RNGTT: variants seen among roughly 807,000 people sequenced by gnomAD.
RNGTT encodes the protein mRNA-capping enzyme.
Under a neutral mutation model 79.3 loss-of-function variants are expected in RNGTT, and 33 were observed. The observed-to-expected ratio is 0.42, with a 90% CI of 0.32 to 0.56. RNGTT has a LOEUF of 0.56. Among genes scored for constraint, RNGTT ranks in the 20% least tolerant of loss-of-function variants. The pLI, the probability that RNGTT is intolerant of heterozygous loss-of-function variation, is 0.17. For missense variants in RNGTT, 497 were observed against 739.1 expected, an observed-to-expected ratio of 0.67 and a Z score of 3.80; for synonymous variants, 222 against 235.9, an observed-to-expected ratio of 0.94 and a Z score of 0.54.
intron 4 of RNGTT, among the ~76,000 whole-genome samples, chr6:88,928,381 T>C (rs749247821): frequency 1.3e-5 from 2 of 152,220 alleles, no homozygotes; most frequent in Non-Finnish European, 2.9e-5. Context: ...AATTTACTTA[T>C]TAAATTTGTT....
intron 13 of RNGTT, among the ~76,000 whole-genome samples, chr6:88,722,404 A>C (rs1399127303): frequency 6.6e-6 from 1 of 152,180 alleles, no homozygotes; most frequent in Non-Finnish European, 1.5e-5. Flanking sequence ...CTTTTCTAAG[A>C]CTCATCAGAG....
At chr6:88,717,603 T>G (rs1388576079) in intron 13 of RNGTT, among the ~76,000 whole-genome samples, 1 of 152,172 alleles carries the variant, frequency 6.6e-6, no homozygotes, top group Non-Finnish European at 1.5e-5. Flanking sequence ...GATCAATACT[T>G]TGGGTTTTCT....
chr6:88,665,581 T>G (rs536470368), intron 14 of RNGTT, among the ~76,000 whole-genome samples: 64 of 152,332 alleles, frequency 4.2e-4, no homozygotes, highest in Non-Finnish European at 6.2e-4. Flanking sequence ...TTCACCTGCC[T>G]AGACCTGAAG....
chr6:88,930,762 C>A (rs1021042852), intron 2 of RNGTT, among the ~76,000 whole-genome samples: 1 of 152,092 alleles, frequency 6.6e-6, no homozygotes, highest in Non-Finnish European at 1.5e-5. Context: ...GCAGACCTAT[C>A]TCTCATCTAC....
At chr6:88,962,352 C>T (rs1161662568) in intron 1 of RNGTT, among the ~76,000 whole-genome samples, 1 of 152,086 alleles carries the variant, frequency 6.6e-6, no homozygotes, top group Non-Finnish European at 1.5e-5. Flanking sequence ...AAAAACCCGG[C>T]CAAGCGGGGT....
At chr6:88,959,745 G>C (rs768768017) in intron 1 of RNGTT, among the ~76,000 whole-genome samples, 1 of 151,220 alleles carries the variant, frequency 6.6e-6, no homozygotes, top group Non-Finnish European at 1.5e-5. Context: ...ATCTCATCTC[G>C]ATGCTGAAAA....
chr6:88,660,764 C>G (rs1410075839), intron 14 of RNGTT, among the ~76,000 whole-genome samples: 1 of 152,098 alleles, frequency 6.6e-6, no homozygotes, highest in Non-Finnish European at 1.5e-5. Flanking sequence ...GTCATCAAGA[C>G]AGAAAGTCAA....
At chr6:88,845,497 T>C (rs936706749) in intron 10 of RNGTT, among the ~76,000 whole-genome samples, 4 of 152,234 alleles carry the variant, frequency 2.6e-5, no homozygotes, top group African/African-American at 9.6e-5. Context: ...TTAGTAATTA[T>C]CGCTTCAATG....
At chr6:88,649,622 G>A (rs113218458) in intron 14 of RNGTT, among the ~76,000 whole-genome samples, 1,957 of 152,138 alleles carry the variant, frequency 0.013, 46 homozygotes, top group African/African-American at 0.045. Context: ...GCGTGAACCC[G>A]GGAGGTGGAG....
At chr6:88,622,918 C>T (rs537136609) in intron 14 of RNGTT, among the ~76,000 whole-genome samples, 5 of 152,192 alleles carry the variant, frequency 3.3e-5, no homozygotes, top group East Asian at 3.9e-4. Flanking sequence ...AGGCAGACAA[C>T]AAACAAGAAA....
chr6:88,926,660 A>C (rs143358754), intron 4 of RNGTT, among the ~76,000 whole-genome samples: 1 of 152,344 alleles, frequency 6.6e-6, no homozygotes, highest in African/African-American at 2.4e-5. Flanking sequence ...GTGAACATGC[A>C]ACTCAGATTG....
intron 9 of RNGTT, among the ~76,000 whole-genome samples, chr6:88,850,887 A>G (rs889307216): frequency 1.3e-5 from 2 of 152,032 alleles, no homozygotes; most frequent in African/African-American, 4.8e-5. Context: ...CACGCTTCAG[A>G]TATAAAGAAT....
chr6:88,782,678 A>T (rs1189429471), intron 12 of RNGTT, among the ~76,000 whole-genome samples: 1 of 152,142 alleles, frequency 6.6e-6, no homozygotes, highest in Non-Finnish European at 1.5e-5. Flanking sequence ...CCAATATATA[A>T]AATCATACAA....
chr6:88,963,216 C>T, intron 1 of RNGTT, 130 bp downstream of exon 1: 6 of 863,762 alleles, frequency 6.9e-6, no homozygotes, highest in Non-Finnish European at 1.1e-5. Context: ...GAAGCGTAAT[C>T]CGACGGAGCA....
intron 12 of RNGTT, among the ~76,000 whole-genome samples, chr6:88,799,801 G>C (rs1476619033): frequency 6.7e-6 from 1 of 150,116 alleles, no homozygotes; most frequent in African/African-American, 2.5e-5. Context: ...TCACTTATTT[G>C]TCAGGCCATT....
At chr6:88,780,002 AAATT>A (rs1381073489) in intron 12 of RNGTT, among the ~76,000 whole-genome samples, 5 of 152,084 alleles carry the variant, frequency 3.3e-5, no homozygotes, top group East Asian at 3.8e-4. Flanking sequence ...TCAAATAAAT[AAATT>A]AATTAATTAA....
intron 12 of RNGTT, among the ~76,000 whole-genome samples, chr6:88,790,262 G>C (rs1239695652): frequency 6.6e-6 from 1 of 152,200 alleles, no homozygotes; most frequent in Non-Finnish European, 1.5e-5. Context: ...AGGTAACCTA[G>C]AAGGCTGCCA....
intron 13 of RNGTT, among the ~76,000 whole-genome samples, chr6:88,724,567 G>T (rs77343836): frequency 6.6e-6 from 1 of 152,106 alleles, no homozygotes; most frequent in Non-Finnish European, 1.5e-5. Context: ...GACAGGGGAA[G>T]GGGGAGATGG....
At chr6:88,929,289 A>C (rs764875103) in intron 2 of RNGTT, 22 bp from the exon 3 acceptor site, 1 of 1,471,112 alleles carries the variant, frequency 6.8e-7, no homozygotes, top group Non-Finnish European at 9.4e-7. Flanking sequence ...AAAAAATGAA[A>C]GGGCAAATTT....
Sources: allele counts gnomAD v4.1 joint callset (sites outside exome capture counted in the v4.1 genomes callset), GRCh38; gene constraint gnomAD v4.1.1; transcripts MANE v1.5; gene names NCBI Gene and HGNC (gene_info 2026-07-23, HGNC 2026-07-21).